Variants in PPP2R2B observed in about 807,000 individuals in gnomAD.
PPP2R2B encodes the protein serine/threonine-protein phosphatase 2A 55 kDa regulatory subunit B beta isoform.
In PPP2R2B, 5 loss-of-function variants were observed where a neutral mutation model predicts 46.0. The ratio of observed to expected loss-of-function variants is 0.11; its 90% CI spans 0.06 to 0.23. PPP2R2B has a LOEUF of 0.23. PPP2R2B is among the 10% of genes least tolerant of loss of function. PPP2R2B has a pLI of 1.00. For synonymous variants in PPP2R2B, 215 were observed against 206.7 expected (o/e 1.04, Z -0.34); for missense variants, 367 against 575.0 (o/e 0.64, Z 3.70).
At chr5:146,845,324 G>C (rs1158261116) in intron 2 of PPP2R2B, among the ~76,000 whole-genome samples, 1 of 20,980 alleles carries the variant, frequency 4.8e-5, no homozygotes, top group Non-Finnish European at 1.2e-4. Context: ...GTTTTTTTTT[G>C]AGATGGAGTC....
chr5:146,940,011 C>T (rs1030533748), intron 1 of PPP2R2B, among the ~76,000 whole-genome samples: 1 of 152,092 alleles, frequency 6.6e-6, no homozygotes, highest in South Asian at 2.1e-4. Flanking sequence ...TCTACCTACA[C>T]CTATTTTTTA....
chr5:146,605,205 T>C (rs1772151526), intron 7 of PPP2R2B, among the ~76,000 whole-genome samples: 1 of 152,196 alleles, frequency 6.6e-6, no homozygotes, highest in Non-Finnish European at 1.5e-5. Flanking sequence ...GAGGCAGAAT[T>C]TGAACTCAGT....
At chr5:146,689,481 G>A (rs752013906) in intron 5 of PPP2R2B, among the ~76,000 whole-genome samples, 18 of 152,146 alleles carry the variant, frequency 1.2e-4, no homozygotes, top group South Asian at 2.1e-4. Flanking sequence ...GTTTGTAGCC[G>A]AGGACCAACA....
intron 2 of PPP2R2B, among the ~76,000 whole-genome samples, chr5:146,783,672 C>T (rs1755670151): frequency 6.6e-6 from 1 of 152,166 alleles, no homozygotes. Context: ...GGATGCTTGT[C>T]TTTGCAATGG....
intron 2 of PPP2R2B, among the ~76,000 whole-genome samples, chr5:146,723,612 C>T (rs1054067455): frequency 6.6e-6 from 1 of 152,100 alleles, no homozygotes; most frequent in Non-Finnish European, 1.5e-5. Flanking sequence ...TGAAAGATCA[C>T]TTGTGTTGAT....
chr5:146,704,742 A>T (rs1779732937), intron 2 of PPP2R2B, among the ~76,000 whole-genome samples: 1 of 151,990 alleles, frequency 6.6e-6, no homozygotes, highest in Non-Finnish European at 1.5e-5. Context: ...TTTTTTTTTT[A>T]AATCAATCTC....
intron 2 of PPP2R2B, among the ~76,000 whole-genome samples, chr5:146,858,907 G>A (rs1582286683): frequency 6.6e-6 from 1 of 152,088 alleles, no homozygotes; most frequent in African/African-American, 2.4e-5. Context: ...CCATGCCCAA[G>A]CCCCAAAATC....
At chr5:146,703,746 C>T (rs554436367) in intron 2 of PPP2R2B, among the ~76,000 whole-genome samples, 2 of 152,204 alleles carry the variant, frequency 1.3e-5, no homozygotes, top group East Asian at 1.9e-4. Flanking sequence ...GTCAAAGTCA[C>T]ATGATTTAAG....
At position 146,588,753 on chromosome 5, in the gene PPP2R2B, G is replaced by GATT. The variant is rs568300938; in HGVS notation, c.*1191_*1193dup. ...CATTCACTTCATGTCACAGCTGCTT[G>GATT]ATTTCCCCACAGTTCATTTCTGTAG... On this transcript the variant is annotated 3_prime_UTR_variant, in exon 10 of 10. Transcript: ENST00000394411. 3.3e-4 allele frequency: 50 copies of GATT among 152,300 alleles called. 1 individual carries two copies. Among genetic ancestry groups the GATT allele is most frequent in the Admixed American group, 3.1e-3 (47 of 15,302 alleles). 9.4% of individuals were successfully genotyped at this position (152,300 alleles called of 1,614,324 possible).
At chr5:147,059,891 C>G (rs1409931494), upstream of PPP2R2B, among the ~76,000 whole-genome samples, 1 of 152,134 alleles carries the variant, frequency 6.6e-6, no homozygotes, top group Admixed American at 6.6e-5. Context: ...TTCACTGGTT[C>G]CAGTCCTGTT....
At chr5:146,840,946 GA>G (rs1759601045) in intron 2 of PPP2R2B, among the ~76,000 whole-genome samples, 1 of 152,148 alleles carries the variant, frequency 6.6e-6, no homozygotes, top group Non-Finnish European at 1.5e-5. Context: ...GCTAAACAAA[GA>G]GATGAAACAA....
At chr5:146,981,014 A>G (rs1307207483) in intron 1 of PPP2R2B, among the ~76,000 whole-genome samples, 2 of 152,222 alleles carry the variant, frequency 1.3e-5, no homozygotes, top group African/African-American at 4.8e-5. Flanking sequence ...ACATCTAGAA[A>G]GGACTCAGTG....
chr5:146,896,629 A>G (rs907944572), intron 1 of PPP2R2B, among the ~76,000 whole-genome samples: 2 of 152,180 alleles, frequency 1.3e-5, no homozygotes, highest in African/African-American at 2.4e-5. Flanking sequence ...ATCTTACAAA[A>G]TGATAAATAA....
intron 1 of PPP2R2B, among the ~76,000 whole-genome samples, chr5:146,965,630 T>C (rs1752365447): frequency 1.3e-5 from 2 of 152,244 alleles, no homozygotes; most frequent in South Asian, 2.1e-4. Context: ...CTGGCCCCGC[T>C]TGCTTTGCGT....
At chr5:147,004,006 CT>C (rs1216600153) in intron 1 of PPP2R2B, among the ~76,000 whole-genome samples, 1 of 152,060 alleles carries the variant, frequency 6.6e-6, no homozygotes, top group African/African-American at 2.4e-5. Context: ...ATTCTTAAAC[CT>C]GGCAACCTTG....
chr5:146,716,616 T>C (rs1318134843), intron 2 of PPP2R2B, among the ~76,000 whole-genome samples: 1 of 152,202 alleles, frequency 6.6e-6, no homozygotes, highest in Non-Finnish European at 1.5e-5. Flanking sequence ...TCTGGATCCC[T>C]AGTGGGATCT....
At chr5:146,829,772 C>T (rs765153648) in intron 2 of PPP2R2B, among the ~76,000 whole-genome samples, 5 of 152,120 alleles carry the variant, frequency 3.3e-5, no homozygotes, top group Admixed American at 1.3e-4. Context: ...CATTTTTTCA[C>T]GTAACTACCC....
At chr5:146,907,869 A>G (rs1250092926) in intron 1 of PPP2R2B, among the ~76,000 whole-genome samples, 2 of 152,170 alleles carry the variant, frequency 1.3e-5, no homozygotes, top group Non-Finnish European at 2.9e-5. Context: ...TCATTTCCAT[A>G]GTATGCAGTG....
At chr5:146,767,239 C>G in intron 2 of PPP2R2B, among the ~76,000 whole-genome samples, 1 of 152,006 alleles carries the variant, frequency 6.6e-6, no homozygotes, top group East Asian at 1.9e-4. Context: ...AACCCCGAGG[C>G]CCACCCCTTG....
Sources: allele counts gnomAD v4.1 joint callset (sites outside exome capture counted in the v4.1 genomes callset), GRCh38; gene constraint gnomAD v4.1.1; transcripts MANE v1.5; gene names NCBI Gene and HGNC (gene_info 2026-07-23, HGNC 2026-07-21).